The following SDK1 variants were observed in gnomAD, a reference collection of about 807,000 sequenced individuals.
SDK1 encodes sidekick cell adhesion molecule 1.
Under a neutral mutation model 245.5 loss-of-function variants are expected in SDK1, and 157 were observed. That is an observed-to-expected ratio of 0.64 (90% confidence interval 0.56 to 0.73). The LOEUF is 0.73. Ranked by LOEUF, SDK1 falls within the 30% of genes least tolerant of loss-of-function variation. SDK1 has a pLI of 0.00. For missense variants in SDK1, 3,583 were observed against 3,002.3 expected, an observed-to-expected ratio of 1.19 and a Z score of -4.52; for synonymous variants, 1,647 against 1,278.5, an observed-to-expected ratio of 1.29 and a Z score of -6.15.
intron 5 of SDK1, among the ~76,000 whole-genome samples, chr7:3,823,534 C>T (rs185832973): frequency 6.6e-6 from 1 of 152,268 alleles, no homozygotes; most frequent in East Asian, 1.9e-4. Context: ...TTGCAAACCG[C>T]TGTACTAGCG....
chr7:3,566,217 ACTT>A (rs1458617578), intron 1 of SDK1, among the ~76,000 whole-genome samples: 336 of 143,072 alleles, frequency 2.3e-3, no homozygotes, highest in African/African-American at 6.3e-3. Context: ...AACTTGATAA[ACTT>A]CTTCTTTTTT....
At chr7:3,479,325 G>C (rs559093890) in intron 1 of SDK1, among the ~76,000 whole-genome samples, 71 of 150,224 alleles carry the variant, frequency 4.7e-4, no homozygotes, top group African/African-American at 1.7e-3. Context: ...GGGAGGCTGA[G>C]GCAGGAGAAT....
At chr7:3,379,609 T>C (rs1474077160) in intron 1 of SDK1, among the ~76,000 whole-genome samples, 1 of 152,204 alleles carries the variant, frequency 6.6e-6, no homozygotes, top group African/African-American at 2.4e-5. Flanking sequence ...TTCTGTTTAA[T>C]GGGATTTGGG....
intron 5 of SDK1, among the ~76,000 whole-genome samples, chr7:3,908,477 G>A (rs1041599232): frequency 7.2e-5 from 11 of 152,286 alleles, no homozygotes; most frequent in Admixed American, 2.6e-4. Flanking sequence ...ACTCAGCTGC[G>A]TCCAGGATTG....
intron 5 of SDK1, among the ~76,000 whole-genome samples, chr7:3,883,392 G>C (rs1781254268): frequency 6.6e-6 from 1 of 152,226 alleles, no homozygotes; most frequent in Non-Finnish European, 1.5e-5. Flanking sequence ...CTAAGTGCTT[G>C]TTGCAGACAT....
chr7:3,956,651 G>A (rs1042503543), intron 7 of SDK1, among the ~76,000 whole-genome samples: 4 of 152,216 alleles, frequency 2.6e-5, no homozygotes, highest in African/African-American at 9.6e-5. Flanking sequence ...GGCGGTGGCA[G>A]GCTGCCCCCC....
At chr7:3,519,265 A>G (rs536618641) in intron 1 of SDK1, among the ~76,000 whole-genome samples, 1 of 152,112 alleles carries the variant, frequency 6.6e-6, no homozygotes, top group Admixed American at 6.6e-5. Context: ...TTATGGTTTA[A>G]ATATGTAGGA....
At chr7:3,320,882 AG>A in intron 1 of SDK1, among the ~76,000 whole-genome samples, 1 of 148,294 alleles carries the variant, frequency 6.7e-6, no homozygotes, top group East Asian at 2.0e-4. Context: ...TGGTACTGTA[AG>A]GAAAAATGTG....
At chr7:3,438,849 A>G (rs865808153) in intron 1 of SDK1, among the ~76,000 whole-genome samples, 90 of 131,180 alleles carry the variant, frequency 6.9e-4, no homozygotes, top group African/African-American at 2.1e-3. Context: ...TTGTATTAAT[A>G]TTTTTTTTTT....
chr7:4,241,989 G>T, intron 43 of SDK1, 76 bp downstream of exon 43: 1 of 1,540,240 alleles, frequency 6.5e-7, no homozygotes, highest in Non-Finnish European at 8.8e-7. Flanking sequence ...CACGCCCACT[G>T]GCACCTCCTG....
chr7:3,815,445 T>C (rs1454077453), intron 4 of SDK1, among the ~76,000 whole-genome samples: 1 of 149,810 alleles, frequency 6.7e-6, no homozygotes, highest in Non-Finnish European at 1.5e-5. Context: ...GAACCAGCCT[T>C]GCATCCCAGG....
rs1051179959 is a variant in SDK1, at chr7:4,119,406, G to A, written c.3823+5132G>A. On this transcript the variant is annotated intron_variant, in intron 25 of 44. Coordinates refer to ENST00000404826, the MANE Select transcript of SDK1 (RefSeq NM_152744.4). ...GGAGGTCGAGCCTGCCATGAACTAC[G>A]ATCATACCCCTGCACTGCAGCCTGG... 2.7e-5 allele frequency among the ~76,000 whole-genome samples: 4 copies of A among 148,328 alleles called. 1 individual carries two copies. The highest frequency in any genetic ancestry group is 6.0e-5 in the Non-Finnish European group (4 of 66,512).
intron 2 of SDK1, among the ~76,000 whole-genome samples, chr7:3,619,741 A>C (rs984565332): frequency 2.0e-5 from 3 of 152,194 alleles, no homozygotes; most frequent in Admixed American, 6.5e-5. Context: ...CAGCAATAAA[A>C]CAGTATATAT....
chr7:3,753,103 G>C (rs1779820136), intron 4 of SDK1, among the ~76,000 whole-genome samples: 1 of 151,996 alleles, frequency 6.6e-6, no homozygotes, highest in Non-Finnish European at 1.5e-5. Flanking sequence ...GGTGAGGTGG[G>C]GATCAAAAAT....
chr7:4,176,961 A>G (rs1368590287), intron 34 of SDK1, among the ~76,000 whole-genome samples: 1 of 152,244 alleles, frequency 6.6e-6, no homozygotes, highest in Non-Finnish European at 1.5e-5. Flanking sequence ...CTCAAGGGCT[A>G]GACGTGGAGC....
intron 33 of SDK1, among the ~76,000 whole-genome samples, chr7:4,175,505 G>C (rs935839139): frequency 1.3e-5 from 2 of 152,234 alleles, no homozygotes; most frequent in Non-Finnish European, 2.9e-5. Flanking sequence ...CCAAAAACTA[G>C]CATGTTTCAC....
intron 4 of SDK1, among the ~76,000 whole-genome samples, chr7:3,770,246 C>G (rs1408824116): frequency 6.6e-6 from 1 of 152,156 alleles, no homozygotes; most frequent in African/African-American, 2.4e-5. Context: ...TTTTCCCTCT[C>G]AGTGTAATTC....
intron 4 of SDK1, among the ~76,000 whole-genome samples, chr7:3,654,812 G>C (rs761992739): frequency 2.0e-5 from 3 of 152,100 alleles, no homozygotes; most frequent in Non-Finnish European, 2.9e-5. Flanking sequence ...AATATTCTAT[G>C]TACCAATTTT....
chr7:3,668,310 C>T (rs897294731), intron 4 of SDK1, among the ~76,000 whole-genome samples: 7 of 152,178 alleles, frequency 4.6e-5, no homozygotes, highest in African/African-American at 4.8e-5. Flanking sequence ...CAACACGACT[C>T]ACTTTCATGG....
Sources: allele counts gnomAD v4.1 joint callset (sites outside exome capture counted in the v4.1 genomes callset), GRCh38; gene constraint gnomAD v4.1.1; transcripts MANE v1.5; gene names NCBI Gene and HGNC (gene_info 2026-07-23, HGNC 2026-07-21).